MITF: variants seen among roughly 807,000 people sequenced by gnomAD.
The protein encoded by MITF is microphthalmia-associated transcription factor.
In MITF, 17 loss-of-function variants were observed where a neutral mutation model predicts 60.5. The ratio of observed to expected loss-of-function variants is 0.28; its 90% CI spans 0.19 to 0.42. The LOEUF (loss-of-function observed/expected upper bound fraction) is 0.42. Among genes scored for constraint, MITF ranks in the 10% least tolerant of loss-of-function variants. MITF has a pLI of 1.00. For missense variants in MITF, 622 were observed against 683.5 expected, an observed-to-expected ratio of 0.91 and a Z score of 1.00; for synonymous variants, 260 against 248.5, an observed-to-expected ratio of 1.05 and a Z score of -0.43.
At chr3:69,805,975 A>G (rs1410317339) in intron 1 of MITF, among the ~76,000 whole-genome samples, 2 of 152,146 alleles carry the variant, frequency 1.3e-5, no homozygotes, top group African/African-American at 2.4e-5. Flanking sequence ...ATGCATTTTT[A>G]GAAGAATGGA....
intron 1 of MITF, among the ~76,000 whole-genome samples, chr3:69,840,410 T>G (rs903074591): frequency 9.9e-5 from 15 of 152,138 alleles, no homozygotes; most frequent in African/African-American, 3.4e-4. Flanking sequence ...AAGGCTCAGC[T>G]ACCATCCAGA....
At chr3:69,928,965 C>T (rs1393236181) in intron 2 of MITF, among the ~76,000 whole-genome samples, 3 of 152,178 alleles carry the variant, frequency 2.0e-5, no homozygotes, top group African/African-American at 7.2e-5. Context: ...TGGGCAGCCC[C>T]TGATAGATAA....
intron 1 of MITF, among the ~76,000 whole-genome samples, chr3:69,765,737 A>G (rs2062280750): frequency 6.6e-6 from 1 of 152,230 alleles, no homozygotes; most frequent in Non-Finnish European, 1.5e-5. Context: ...TTCCCTTACC[A>G]TAAGACCTTT....
chr3:69,957,930 T>G (rs991950744), intron 8 of MITF, among the ~76,000 whole-genome samples: 3 of 152,208 alleles, frequency 2.0e-5, no homozygotes, highest in African/African-American at 7.2e-5. Flanking sequence ...AGACACAGTC[T>G]TACAGACTGG....
At chr3:69,941,158 A>G in intron 4 of MITF, 78 bp from the exon 5 acceptor site, 1 of 926,206 alleles carries the variant, frequency 1.1e-6, no homozygotes, top group South Asian at 1.4e-5. Flanking sequence ...GGGTAAAAAA[A>G]GACCATGAGT....
At chr3:69,871,182 G>A (rs528341371) in intron 1 of MITF, among the ~76,000 whole-genome samples, 6 of 152,108 alleles carry the variant, frequency 3.9e-5, no homozygotes, top group South Asian at 2.1e-4. Flanking sequence ...CTTTCTTCTC[G>A]GATAGATCCA....
chr3:69,741,572 C>G (rs1282879041), intron 1 of MITF, among the ~76,000 whole-genome samples: 1 of 152,092 alleles, frequency 6.6e-6, no homozygotes, highest in Non-Finnish European at 1.5e-5. Flanking sequence ...AGCTAGCTAG[C>G]AGGCACGTGT....
Position 69,796,494 on chromosome 3 carries a change from C to CTTTTTTTTTTTTTTTTTTT in MITF, c.104+56798_104+56816dup, listed in dbSNP as rs767834091. On this transcript the variant is annotated intron_variant, in intron 1 of 9. Transcript: ENST00000352241. The stretch of plus-strand genomic sequence containing the variant: ...TGTGAAGCTTACAAACACCGTCTTT[C>CTTTTTTTTTTTTTTTTTTT]TTTTTTTTTTTTTTTTTTTTTTTGA... Among the ~76,000 whole-genome samples the CTTTTTTTTTTTTTTTTTTT allele has an allele frequency of 5.1e-4, 41 of 80,310 alleles. 2 individuals are homozygous for CTTTTTTTTTTTTTTTTTTT. The highest frequency in any genetic ancestry group is 6.7e-4 in the Non-Finnish European group (26 of 38,548). 52.7% of individuals were successfully genotyped at this position (80,310 alleles called of 152,430 possible).
At chr3:69,789,305 A>AT (rs1347221279) in intron 1 of MITF, among the ~76,000 whole-genome samples, 1 of 152,166 alleles carries the variant, frequency 6.6e-6, no homozygotes, top group Non-Finnish European at 1.5e-5. Flanking sequence ...AAATAAAATA[A>AT]CCTGATTAAA....
chr3:69,961,457 A>C (rs1029108746), intron 9 of MITF, among the ~76,000 whole-genome samples: 3 of 151,970 alleles, frequency 2.0e-5, no homozygotes, highest in Admixed American at 2.0e-4. Flanking sequence ...CTCTAATCCC[A>C]GCACTTTGAG....
intron 2 of MITF, among the ~76,000 whole-genome samples, chr3:69,922,413 G>A (rs1258849489): frequency 6.6e-6 from 1 of 151,962 alleles, no homozygotes; most frequent in Non-Finnish European, 1.5e-5. Flanking sequence ...GTAAAGTTAG[G>A]GTTTCACCAT....
chr3:69,951,470 G>C (rs183257673), intron 6 of MITF, among the ~76,000 whole-genome samples: 1 of 152,118 alleles, frequency 6.6e-6, no homozygotes, highest in Admixed American at 6.5e-5. Context: ...TCAGACCCCT[G>C]ATAATAGAGT....
rs104893747 is a variant in MITF, at chr3:69,964,880, T to C, written c.1213T>C (p.Ser405Pro). The C allele has an allele frequency of 1.9e-4, 299 of 1,614,020 alleles. 1 individual carries two copies. Among genetic ancestry groups the C allele is most frequent in the Non-Finnish European group, 2.5e-4 (297 of 1,180,032 alleles). ...LEMQARAHGL[S>P]LIPSTGLCSP... is the part of the protein sequence containing the mutation. ...AATGCAGGCTCGAGCTCATGGACTTTCCCTTATTCCATCCACGGGTCTCTG... is the reference window on the plus strand; with the variant it reads ...AATGCAGGCTCGAGCTCATGGACTTCCCCTTATTCCATCCACGGGTCTCTG... Residue 405 changes from serine to proline, a missense_variant, in exon 10 of 10, where the codon TCC (serine) becomes CCC (proline). Ser to Pro is a moderately conservative substitution (Grantham distance 74). This residue lies in a region of MITF where 224 missense variants were observed against 209.5 expected (regional missense o/e 1.07). Transcript: ENST00000352241.
At chr3:69,895,436 G>C (rs1200435666) in intron 2 of MITF, among the ~76,000 whole-genome samples, 3 of 152,172 alleles carry the variant, frequency 2.0e-5, no homozygotes, top group Admixed American at 2.0e-4. Flanking sequence ...CTTTTGCGTA[G>C]AGATTGAGCA....
intron 1 of MITF, among the ~76,000 whole-genome samples, chr3:69,838,102 A>G (rs1328816595): frequency 1.3e-5 from 2 of 152,218 alleles, no homozygotes; most frequent in East Asian, 1.9e-4. Flanking sequence ...ATAAAAAACA[A>G]TTGCCTTTTT....
At chr3:69,875,910 T>C (rs1235998094) in intron 1 of MITF, among the ~76,000 whole-genome samples, 1 of 152,258 alleles carries the variant, frequency 6.6e-6, no homozygotes, top group Non-Finnish European at 1.5e-5. Context: ...GCGACTCTAA[T>C]GCTTCCTTTG....
chr3:69,806,722 C>T (rs947346258), intron 1 of MITF, among the ~76,000 whole-genome samples: 3 of 152,112 alleles, frequency 2.0e-5, no homozygotes, highest in East Asian at 1.9e-4. Context: ...AGATGCCCGG[C>T]GAGGACAGTG....
chr3:69,758,117 GCACACA>G (rs111261020), intron 1 of MITF, among the ~76,000 whole-genome samples: 16 of 120,106 alleles, frequency 1.3e-4, no homozygotes, highest in African/African-American at 4.0e-4. Context: ...TATATCATAT[GCACACA>G]CACACACACA....
chr3:69,905,985 C>G (rs563854363), intron 2 of MITF, among the ~76,000 whole-genome samples: 1 of 152,018 alleles, frequency 6.6e-6, no homozygotes, highest in Non-Finnish European at 1.5e-5. Context: ...TTTGATAAAA[C>G]CAAGTTCATT....
Sources: allele counts gnomAD v4.1 joint callset (sites outside exome capture counted in the v4.1 genomes callset), GRCh38; gene constraint gnomAD v4.1.1; regional missense constraint gnomAD v4.1.1; transcripts MANE v1.5; gene names NCBI Gene and HGNC (gene_info 2026-07-23, HGNC 2026-07-21).